The following LRFN2 variants were observed in gnomAD, a reference collection of about 807,000 sequenced individuals.
LRFN2 encodes the protein leucine rich repeat and fibronectin type III domain containing 2.
A neutral mutation model predicts 37.3 loss-of-function variants in LRFN2; 18 were observed. The ratio of observed to expected loss-of-function variants is 0.48; its 90% CI spans 0.33 to 0.72. The LOEUF is 0.72. Among genes scored for constraint, LRFN2 ranks in the 30% least tolerant of loss-of-function variants. LRFN2 has a pLI of 0.02. For missense variants in LRFN2, 1,006 were observed against 1,060.7 expected (o/e 0.95, Z 0.72); for synonymous variants, 556 against 466.6 (o/e 1.19, Z -2.47).
At chr6:40,457,322 C>T (rs542027312) in intron 1 of LRFN2, among the ~76,000 whole-genome samples, 3 of 151,990 alleles carry the variant, frequency 2.0e-5, no homozygotes, top group East Asian at 1.9e-4. Context: ...GAAGAAAGCC[C>T]GTCATTCCAC....
At chr6:40,512,505 C>A (rs1765736813) in intron 1 of LRFN2, among the ~76,000 whole-genome samples, 2 of 152,292 alleles carry the variant, frequency 1.3e-5, no homozygotes, top group South Asian at 4.2e-4. Flanking sequence ...CTCAGACACA[C>A]CCTGATTGCA....
intron 1 of LRFN2, among the ~76,000 whole-genome samples, chr6:40,569,072 C>T (rs1767141484): frequency 6.6e-6 from 1 of 152,184 alleles, no homozygotes; most frequent in Admixed American, 6.5e-5. Flanking sequence ...AAGAGCCCTG[C>T]CTTCCAAAGG....
chr6:40,509,593 A>G (rs1561886393), intron 1 of LRFN2, among the ~76,000 whole-genome samples: 1 of 152,008 alleles, frequency 6.6e-6, no homozygotes. Context: ...CAGATATGCC[A>G]GGGAATATTG....
intron 2 of LRFN2, among the ~76,000 whole-genome samples, chr6:40,420,827 C>T (rs1487092910): frequency 2.6e-5 from 4 of 152,132 alleles, no homozygotes; most frequent in Admixed American, 2.6e-4. Context: ...GATTTGAATA[C>T]AAGTAGTTTA....
intron 1 of LRFN2, among the ~76,000 whole-genome samples, chr6:40,576,388 C>T (rs1331248331): frequency 6.6e-6 from 1 of 152,152 alleles, no homozygotes; most frequent in East Asian, 1.9e-4. Context: ...AGAGTGAGGG[C>T]TGAACTGAAA....
chr6:40,550,825 A>G (rs1359946990), intron 1 of LRFN2, among the ~76,000 whole-genome samples: 2 of 152,322 alleles, frequency 1.3e-5, no homozygotes, highest in Non-Finnish European at 1.5e-5. Flanking sequence ...CAGTGTTGAG[A>G]GATGCTGGAC....
chr6:40,479,940 T>G (rs1232893944), intron 1 of LRFN2, among the ~76,000 whole-genome samples: 1 of 152,254 alleles, frequency 6.6e-6, no homozygotes, highest in African/African-American at 2.4e-5. Context: ...TTCTAAGGCC[T>G]ACTTCTAGGA....
intron 1 of LRFN2, among the ~76,000 whole-genome samples, chr6:40,464,212 T>C (rs1009020352): frequency 2.0e-5 from 3 of 152,244 alleles, no homozygotes; most frequent in African/African-American, 7.2e-5. Context: ...TTTTCATTAT[T>C]TTCTCACTAG....
intron 1 of LRFN2, among the ~76,000 whole-genome samples, chr6:40,442,482 TG>T (rs1048237711): frequency 1.3e-5 from 2 of 152,116 alleles, no homozygotes; most frequent in Non-Finnish European, 1.5e-5. Context: ...TTCAGCCAAC[TG>T]GGGCTCCCTG....
At chr6:40,487,279 C>A (rs1430304214) in intron 1 of LRFN2, among the ~76,000 whole-genome samples, 1 of 152,168 alleles carries the variant, frequency 6.6e-6, no homozygotes, top group East Asian at 1.9e-4. Flanking sequence ...TCATCCAGTT[C>A]TATGGTGAGT....
chr6:40,422,588 T>C (rs1763253802), intron 2 of LRFN2, among the ~76,000 whole-genome samples: 1 of 152,154 alleles, frequency 6.6e-6, no homozygotes, highest in Non-Finnish European at 1.5e-5. Flanking sequence ...GGGCTGTTAA[T>C]GAGGCTGAAT....
chr6:40,568,762 C>A (rs1196362429), intron 1 of LRFN2, among the ~76,000 whole-genome samples: 1 of 147,396 alleles, frequency 6.8e-6, no homozygotes, highest in African/African-American at 2.6e-5. Flanking sequence ...GCTCTTGTTG[C>A]CTAGGCTGGA....
chr6:40,523,588 A>G (rs1301435690), intron 1 of LRFN2, among the ~76,000 whole-genome samples: 3 of 147,814 alleles, frequency 2.0e-5, no homozygotes, highest in Non-Finnish European at 3.0e-5. Context: ...GAGGCTACGA[A>G]TAATACCTTT....
chr6:40,424,761 G>T (rs935823254), intron 2 of LRFN2, among the ~76,000 whole-genome samples: 2 of 152,074 alleles, frequency 1.3e-5, no homozygotes, highest in Non-Finnish European at 2.9e-5. Flanking sequence ...GGAAACAGCC[G>T]AGTCAAAGAA....
At chr6:40,506,106 C>T (rs73734504) in intron 1 of LRFN2, among the ~76,000 whole-genome samples, 3,246 of 152,312 alleles carry the variant, frequency 0.021, 74 homozygotes, top group African/African-American at 0.05. Flanking sequence ...CAGGACTAGA[C>T]GCACTTTAGA....
intron 1 of LRFN2, among the ~76,000 whole-genome samples, chr6:40,571,728 G>C (rs932792633): frequency 1.3e-5 from 2 of 152,212 alleles, no homozygotes; most frequent in African/African-American, 4.8e-5. Context: ...CCACCAGCAG[G>C]TGGATCCCCA....
At position 40,431,115 on chromosome 6, in the gene LRFN2, A is replaced by T. The variant is rs566740744; in HGVS notation, c.1400+599T>A. Among the ~76,000 whole-genome samples, 166 of 151,740 alleles carry T rather than the reference A, an allele frequency of 1.1e-3. 1 individual carries two copies. The highest frequency in any genetic ancestry group is 3.4e-3 in the African/African-American group (140 of 41,360). ...CCCTTTCTCTCTCTCTTTTTTTTTT[A>T]AAAGCCAGTTTGATTCAGTTACCAA... On this transcript the variant is annotated intron_variant, in intron 2 of 2. Transcript: ENST00000338305.
intron 1 of LRFN2, among the ~76,000 whole-genome samples, chr6:40,536,859 T>C (rs1766458755): frequency 1.3e-5 from 2 of 152,210 alleles, no homozygotes; most frequent in African/African-American, 2.4e-5. Flanking sequence ...AGGATAATCA[T>C]GGATGCAGTC....
chr6:40,481,535 C>G (rs1764832896), intron 1 of LRFN2, among the ~76,000 whole-genome samples: 1 of 151,858 alleles, frequency 6.6e-6, no homozygotes, highest in Non-Finnish European at 1.5e-5. Flanking sequence ...ACAGATAAGT[C>G]CTATCTCGGG....
Sources: gnomAD v4.1 joint callset for allele counts (sites outside exome capture counted in the v4.1 genomes callset) on GRCh38, gnomAD v4.1.1 for gene constraint, MANE v1.5 for transcripts, NCBI Gene and HGNC (gene_info 2026-07-23, HGNC 2026-07-21) for gene names.